The following PRKAG2 variants were observed in gnomAD, a reference collection of about 807,000 sequenced individuals.
PRKAG2 encodes protein kinase AMP-activated non-catalytic subunit gamma 2.
PRKAG2 carries 26 observed loss-of-function variants against 69.6 expected under a neutral mutation model. The observed-to-expected ratio is 0.37, with a 90% CI of 0.27 to 0.52. The LOEUF is 0.52. PRKAG2 is among the 20% of genes least tolerant of loss of function. PRKAG2 has a pLI of 0.90. For missense variants in PRKAG2, 557 were observed against 740.0 expected (o/e 0.75, Z 2.87); for synonymous variants, 293 against 285.0 (o/e 1.03, Z -0.28).
At chr7:151,742,363 C>T (rs1244080664) in intron 3 of PRKAG2, among the ~76,000 whole-genome samples, 1 of 152,218 alleles carries the variant, frequency 6.6e-6, no homozygotes, top group Non-Finnish European at 1.5e-5. Context: ...GACTGTGGCT[C>T]ACGCCTGTAA....
chr7:151,754,378 G>C (rs2074923356), intron 3 of PRKAG2, among the ~76,000 whole-genome samples: 1 of 152,192 alleles, frequency 6.6e-6, no homozygotes, highest in Non-Finnish European at 1.5e-5. Flanking sequence ...TTTCTTTGTG[G>C]GCAGGCAAGA....
chr7:151,559,296 A>G, intron 15 of PRKAG2: 1 of 982,994 alleles, frequency 1.0e-6, no homozygotes, highest in African/African-American at 1.7e-5. Context: ...TCTTCTTTTC[A>G]AAGATATTTG....
Position 151,876,691 on chromosome 7 carries a change from T to G in PRKAG2, c.-71A>C. ...TCCCCTCCTTCCCTCCCCCGGCCGC[T>G]GCCTTCGGACTGGAGCCGCGCGCTC... On this transcript the variant is annotated 5_prime_UTR_variant, in exon 1 of 16. Coordinates refer to ENST00000287878, the MANE Select transcript of PRKAG2 (RefSeq NM_016203.4). 2.1e-6 allele frequency: 3 copies of G among 1,450,440 alleles called. No individual in the cohort carries two copies. Among genetic ancestry groups the G allele is most frequent in the Non-Finnish European group, 2.9e-6 (3 of 1,050,344 alleles). 89.8% of individuals were successfully genotyped at this position (1,450,440 alleles called of 1,614,324 possible).
intron 1 of PRKAG2, among the ~76,000 whole-genome samples, chr7:151,852,688 G>A (rs148969563): frequency 9.0e-4 from 137 of 151,814 alleles, no homozygotes; most frequent in African/African-American, 3.2e-3. Flanking sequence ...AACCCCACAC[G>A]CCTGAGGGTC....
At chr7:151,726,605 G>A (rs1197526933) in intron 3 of PRKAG2, among the ~76,000 whole-genome samples, 7 of 152,092 alleles carry the variant, frequency 4.6e-5, no homozygotes, top group Non-Finnish European at 7.3e-5. Flanking sequence ...GGCAGACAGC[G>A]GAGGGTTCTG....
chr7:151,577,781 T>A (rs927571099), intron 6 of PRKAG2, among the ~76,000 whole-genome samples: 2 of 151,974 alleles, frequency 1.3e-5, no homozygotes, highest in African/African-American at 2.4e-5. Context: ...CAAATAATAA[T>A]TAACATAATT....
chr7:151,631,955 C>T (rs1824563254), intron 5 of PRKAG2, 114 bp downstream of exon 5: 15 of 1,030,416 alleles, frequency 1.5e-5, no homozygotes, highest in African/African-American at 1.7e-5. Flanking sequence ...TTCCGCAGGA[C>T]GCAGCTCGCC....
chr7:151,723,414 T>C lies in PRKAG2; in HGVS notation c.467-47777A>G, dbSNP rs140973011. On this transcript the variant is annotated intron_variant, in intron 3 of 15. Transcript: ENST00000287878. ...TTCACTTGGCCTACACTTCTACTTA[T>C]ACAGATCGAGTTAGAATGTAGTAGG... Among the ~76,000 whole-genome samples the C allele has an allele frequency of 5.8e-4, 88 of 152,296 alleles. 1 individual carries two copies. The East Asian group carries it at 0.012, about 20-fold the overall frequency.
At chr7:151,782,384 G>GGAAAGAAGGAAA (rs879181311) in intron 2 of PRKAG2, among the ~76,000 whole-genome samples, 33 of 49,674 alleles carry the variant, frequency 6.6e-4, no homozygotes, top group African/African-American at 1.3e-3. Context: ...AAGGAAAGAA[G>GGAAAGAAGGAAA]GAAGGAAGGA....
intron 3 of PRKAG2, among the ~76,000 whole-genome samples, chr7:151,723,117 T>C (rs980433457): frequency 2.0e-5 from 3 of 152,202 alleles, no homozygotes; most frequent in African/African-American, 7.2e-5. Flanking sequence ...CACAGTGACG[T>C]TGTGCATCTC....
Position 151,756,234 on chromosome 7 carries a change from G to A in PRKAG2, c.466+24918C>T, listed in dbSNP as rs1185814703. On this transcript the variant is annotated intron_variant, in intron 3 of 15. Coordinates refer to ENST00000287878, the MANE Select transcript of PRKAG2 (RefSeq NM_016203.4). The surrounding 1 kb of genome is among the most constrained non-coding windows in gnomAD (Gnocchi z 4.9). ...AATGACTCACGTACAGGTCATGTGA[G>A]CAATGCCCCAGGAACACACACCACA... Among the ~76,000 whole-genome samples the A allele has an allele frequency of 6.6e-6, 1 of 152,156 alleles. No individual in the cohort carries two copies. The highest frequency in any genetic ancestry group is 1.5e-5 in the Non-Finnish European group (1 of 68,028).
rs944603854 is a variant in PRKAG2, at chr7:151,736,219, C to T, written c.466+44933G>A. On this transcript the variant is annotated intron_variant, in intron 3 of 15. Transcript: ENST00000287878. ...CGCAGCCCCAGAGTCTGTGAGGCGC[C>T]AGGGAGTGGAGCCGTCCTGACGGGG... The T allele has an allele frequency of 2.4e-5, 34 of 1,393,244 alleles. No homozygotes were observed. The South Asian group carries it at 4.8e-4, about 20-fold the overall frequency. 86.3% of individuals were successfully genotyped at this position (1,393,244 alleles called of 1,614,324 possible). A position where few individuals can be genotyped will look rare whatever the true frequency, so the allele number is the denominator to read the frequency against.
intron 3 of PRKAG2, among the ~76,000 whole-genome samples, chr7:151,689,023 G>A (rs1226679168): frequency 1.3e-5 from 2 of 152,222 alleles, no homozygotes; most frequent in Non-Finnish European, 2.9e-5. Context: ...AGGAGAAAAT[G>A]TGGCTGAAAA....
intron 15 of PRKAG2, chr7:151,559,186 A>G (rs1005447900): frequency 7.1e-6 from 7 of 980,240 alleles, no homozygotes; most frequent in Non-Finnish European, 8.5e-6. Context: ...CCTCTGTTCA[A>G]TGTTGCCTGT....
chr7:151,867,637 G>A (rs959505992), intron 1 of PRKAG2, among the ~76,000 whole-genome samples: 18 of 152,218 alleles, frequency 1.2e-4, no homozygotes, highest in Non-Finnish European at 2.5e-4. Context: ...GGTATGGGGT[G>A]CAGAGGGTGT....
chr7:151,653,032 G>T (rs890403724), intron 4 of PRKAG2, among the ~76,000 whole-genome samples: 1 of 152,176 alleles, frequency 6.6e-6, no homozygotes, highest in Non-Finnish European at 1.5e-5. Context: ...AGGCGCTAAT[G>T]AAAGTTAAAG....
At chr7:151,595,843 C>T (rs1176319274) in intron 5 of PRKAG2, among the ~76,000 whole-genome samples, 1 of 152,040 alleles carries the variant, frequency 6.6e-6, no homozygotes, top group Non-Finnish European at 1.5e-5. Context: ...CAAAGCTAAT[C>T]GAATGGGGAA....
intron 1 of PRKAG2, among the ~76,000 whole-genome samples, chr7:151,824,847 GC>G (rs1370314278): frequency 6.6e-6 from 1 of 152,170 alleles, no homozygotes; most frequent in Non-Finnish European, 1.5e-5. Context: ...GCTTTCTCCT[GC>G]CCCCTTCCCT....
At chr7:151,657,430 G>C (rs1260303076) in intron 4 of PRKAG2, among the ~76,000 whole-genome samples, 1 of 152,128 alleles carries the variant, frequency 6.6e-6, no homozygotes, top group East Asian at 1.9e-4. Context: ...CTTGGCTCAG[G>C]CTAGGTGGCA....
Sources: allele counts gnomAD v4.1 joint callset (sites outside exome capture counted in the v4.1 genomes callset), GRCh38; gene constraint gnomAD v4.1.1; non-coding constraint Gnocchi (gnomAD v3.1); transcripts MANE v1.5; gene names NCBI Gene and HGNC (gene_info 2026-07-23, HGNC 2026-07-21).